Variants in APOL1 observed in about 807,000 individuals in gnomAD.
APOL1 encodes apolipoprotein L1, also known as apolipoprotein L 1.
A neutral mutation model predicts 14.9 loss-of-function variants in APOL1; 17 were observed. That is an observed-to-expected ratio of 1.14 (90% CI 0.78 to 1.71). The LOEUF is 1.71. Ranked by LOEUF, APOL1 falls within the 40% of genes most tolerant of loss-of-function variation. APOL1 has a pLI of 0.00. For synonymous variants in APOL1, 195 were observed against 184.8 expected (o/e 1.05, Z -0.45); for missense variants, 523 against 485.9 (o/e 1.08, Z -0.72).
chr22:36,254,916 A>G lies in APOL1; in HGVS notation c.-19-21A>G, dbSNP rs200230037. On this transcript the variant is annotated intron_variant, in intron 1 of 5. Transcript: ENST00000397278. Reference sequence around the variant, plus strand: ...TTCTCAGGAGGAGCACACTGTCTCAACCCCTCTTTTCCTGCTCAAGGAGGA... The same window carrying G: ...TTCTCAGGAGGAGCACACTGTCTCAGCCCCTCTTTTCCTGCTCAAGGAGGA... The G allele has an allele frequency of 6.2e-6, 10 of 1,613,576 alleles. No individual in the cohort carries two copies. The East Asian group carries it at 2.0e-4, about 32-fold the overall frequency.
chr22:36,267,275 G>A lies in APOL1; in HGVS notation c.*1242G>A, dbSNP rs1001543997. ...GCATGTCCCCTGCTTGAACACTGAA[G>A]GGCAGGTGGTGGGCCATGGCCATGG... On this transcript the variant is annotated 3_prime_UTR_variant, in exon 6 of 6. Coordinates refer to ENST00000397278, the MANE Select transcript of APOL1 (RefSeq NM_003661.4). 3 of 152,230 alleles carry A rather than the reference G, an allele frequency of 2.0e-5. No homozygotes were observed. The highest frequency in any genetic ancestry group is 4.4e-5 in the Non-Finnish European group (3 of 68,094). 9.4% of individuals were successfully genotyped at this position (152,230 alleles called of 1,614,324 possible).
intron 1 of APOL1, among the ~76,000 whole-genome samples, chr22:36,253,491 TTG>T (rs1243553967): frequency 6.6e-6 from 1 of 152,070 alleles, no homozygotes; most frequent in East Asian, 1.9e-4. Context: ...GAAGGAAGGT[TTG>T]TGTTGGGGGT....
chr22:36,255,461 CT>C (rs2015841318), intron 2 of APOL1, among the ~76,000 whole-genome samples: 2 of 152,240 alleles, frequency 1.3e-5, no homozygotes, highest in South Asian at 2.1e-4. Flanking sequence ...TCCTGTCACC[CT>C]TGTCCCTTAC....
rs759828094 is a variant in APOL1 at position 36,265,229 on chromosome 22, T to C, written c.393T>C (p.Asp131=). 1.2e-6 allele frequency: 2 copies of C among 1,614,176 alleles called. No individual in the cohort carries two copies. Among genetic ancestry groups the C allele is most frequent in the East Asian group, 2.2e-5 (1 of 44,884 alleles). The change falls in exon 6 of 6, where the codon GAT becomes GAC. Residue 131 remains aspartate (D), a synonymous_variant. Transcript: ENST00000397278. ...TCATGAAAGACAAAAACTGGCACGATAAAGGCCAGCAGTACAGAAACTGGT... is the reference window on the plus strand; with the variant it reads ...TCATGAAAGACAAAAACTGGCACGACAAAGGCCAGCAGTACAGAAACTGGT... ...QMIMKDKNWH[D]KGQQYRNWFL...
chr22:36,266,018 G>A lies in APOL1; in HGVS notation c.1182G>A (p.Ala394=), dbSNP rs185040686. 2.4e-4 allele frequency: 382 copies of A among 1,606,596 alleles called. 2 individuals carry two copies. In the Admixed American group the frequency reaches 2.5e-3, roughly 11 times the overall value. The change falls in exon 6 of 6, where the codon GCG becomes GCA. Residue 394 remains alanine, a synonymous_variant. Transcript: ENST00000397278. ...ACAATAATTATAAGATTCTGCAGGC[G>A]GACCAAGAACTGTGACCACAGGGCA... is the stretch of plus-strand genomic sequence containing the variant. The part of the protein sequence containing the change: ...ILNNNYKILQ[A]DQEL
chr22:36,263,519 T>C (rs2016139316), intron 5 of APOL1, among the ~76,000 whole-genome samples: 1 of 152,206 alleles, frequency 6.6e-6, no homozygotes, highest in Admixed American at 6.5e-5. Flanking sequence ...TTGTGGTTGA[T>C]CACACGGAAA....
rs1325480216 is a variant in APOL1 at position 36,257,166 on chromosome 22, G to T, written c.98+30G>T. On this transcript the variant is annotated intron_variant, in intron 3 of 5. Coordinates refer to ENST00000397278, the MANE Select transcript of APOL1 (RefSeq NM_003661.4). ...GTGTCTGCAAATAGCAGATGATGGG[G>T]GCTCAGTGATAGACAAACAATCTGG... 3.1e-6 allele frequency: 5 copies of T among 1,613,984 alleles called. No individual in the cohort carries two copies. The Admixed American group carries it at 6.7e-5, about 22-fold the overall frequency.
In APOL1 at chr22:36,258,378, G is replaced by A. The variant is rs147088334; in HGVS notation, c.187+971G>A. On this transcript the variant is annotated intron_variant, in intron 4 of 5. Transcript: ENST00000397278. Reference sequence around the variant, plus strand: ...CTTCGTGCTATGGTGAAAAAGTGTCGGAGACAAGGTTTATCGGGTGAATAT... The same window carrying A: ...CTTCGTGCTATGGTGAAAAAGTGTCAGAGACAAGGTTTATCGGGTGAATAT... 5.9e-4 allele frequency among the ~76,000 whole-genome samples: 90 copies of A among 152,332 alleles called. No individual in the cohort carries two copies. In the East Asian group the frequency reaches 0.015, roughly 25 times the overall value.
intron 4 of APOL1, 67 bp downstream of exon 4, chr22:36,257,474 G>A (rs1279347720): frequency 6.9e-7 from 1 of 1,442,400 alleles, no homozygotes; most frequent in African/African-American, 1.4e-5. Flanking sequence ...CACCTCCACA[G>A]CTGAGTGAGC....
At chr22:36,257,015 C>T in intron 2 of APOL1, 68 bp from the exon 3 acceptor site, 1 of 1,551,032 alleles carries the variant, frequency 6.4e-7, no homozygotes, top group Non-Finnish European at 8.9e-7. Flanking sequence ...TGTGTATAGA[C>T]TCTGTAGTTT....
At chr22:36,257,439 T>C in intron 4 of APOL1, 32 bp downstream of exon 4, 1 of 1,588,966 alleles carries the variant, frequency 6.3e-7, no homozygotes, top group Non-Finnish European at 8.6e-7. Context: ...TGCTGGTTCC[T>C]ACTCGCACTT....
rs1410537690 is a variant in APOL1 at position 36,259,858 on chromosome 22, T to C, written c.188-1738T>C. 3.1e-6 allele frequency: 4 copies of C among 1,304,146 alleles called. No individual in the cohort carries two copies. In the Admixed American group the frequency reaches 6.9e-5, roughly 22 times the overall value. The allele number at this position is 1,304,146 out of a possible 1,614,324, so 80.8% of individuals were successfully genotyped here. A position where few individuals can be genotyped will look rare whatever the true frequency, so the allele number is the denominator to read the frequency against. Reference sequence around the variant, plus strand: ...AGCAGGAGGAATCTCCTTTGCATGGTAGTTGTACTCAATGCTGTGGAGTTT... The same window carrying C: ...AGCAGGAGGAATCTCCTTTGCATGGCAGTTGTACTCAATGCTGTGGAGTTT... On this transcript the variant is annotated intron_variant, in intron 4 of 5. Coordinates refer to ENST00000397278, the MANE Select transcript of APOL1 (RefSeq NM_003661.4).
chr22:36,257,419 T>G lies in APOL1; in HGVS notation c.187+12T>G. The stretch of plus-strand genomic sequence containing the variant: ...CACCATGGACCCAGGTAGGCTCACC[T>G]CCTCTTCCCTGCTGGTTCCTACTCG... On this transcript the variant is annotated intron_variant, in intron 4 of 5. Transcript: ENST00000397278. 1 of 1,610,426 alleles carries G rather than the reference T, an allele frequency of 6.2e-7. No individual in the cohort carries two copies. Among genetic ancestry groups the G allele is most frequent in the Non-Finnish European group, 8.5e-7 (1 of 1,176,702 alleles).
chr22:36,254,690 G>A (rs527730151), intron 1 of APOL1, among the ~76,000 whole-genome samples: 132 of 152,186 alleles, frequency 8.7e-4, no homozygotes, highest in African/African-American at 3.0e-3. Flanking sequence ...GTGAAACCCT[G>A]TCTCTACTAA....
At chr22:36,257,019 G>A in intron 2 of APOL1, 64 bp from the exon 3 acceptor site, 4 of 1,567,104 alleles carry the variant, frequency 2.6e-6, no homozygotes, top group Non-Finnish European at 3.5e-6. Flanking sequence ...TATAGACTCT[G>A]TAGTTTCTGT....
At chr22:36,254,811 C>A in intron 1 of APOL1, 126 bp from the exon 2 acceptor site, 1 of 1,242,116 alleles carries the variant, frequency 8.1e-7, no homozygotes, top group Non-Finnish European at 1.2e-6. Context: ...TGTAGCGAGC[C>A]TAGATCGCCC....
At chr22:36,256,727 T>C (rs2015893658) in intron 2 of APOL1, among the ~76,000 whole-genome samples, 2 of 152,042 alleles carry the variant, frequency 1.3e-5, no homozygotes, top group South Asian at 2.1e-4. Flanking sequence ...TTTAAGGGAG[T>C]AGAGCACAGT....
Position 36,265,625 on chromosome 22 carries a change from C to T in APOL1, c.789C>T (p.Ser263=). 1 of 1,596,068 alleles carries T rather than the reference C, an allele frequency of 6.3e-7. No individual in the cohort carries two copies. The highest frequency in any genetic ancestry group is 8.5e-7 in the Non-Finnish European group (1 of 1,171,302). ...EVREFLGENI[S]NFLSLAGNTY... ...GGGAGTTTTTGGGTGAGAACATATCCAACTTTCTTTCCTTAGCTGGCAATA... is the reference window on the plus strand; with the variant it reads ...GGGAGTTTTTGGGTGAGAACATATCTAACTTTCTTTCCTTAGCTGGCAATA... The change falls in exon 6 of 6, where the codon TCC becomes TCT. Residue 263 remains serine (S), a synonymous_variant. Coordinates refer to ENST00000397278, the MANE Select transcript of APOL1 (RefSeq NM_003661.4).
At chr22:36,253,331 G>A (rs556789298) in intron 1 of APOL1, 112 bp downstream of exon 1, 170 of 262,858 alleles carry the variant, frequency 6.5e-4, no homozygotes, top group Admixed American at 1.5e-3. Flanking sequence ...GGCAAAGCCT[G>A]GATTTGCACC....
Sources: gnomAD v4.1 joint callset for allele counts (sites outside exome capture counted in the v4.1 genomes callset) on GRCh38, gnomAD v4.1.1 for gene constraint, MANE v1.5 for transcripts, NCBI Gene and HGNC (gene_info 2026-07-23, HGNC 2026-07-21) for gene names.